Variants in FAF1 observed in about 807,000 individuals in gnomAD.
The protein encoded by FAF1 is FAS-associated factor 1.
A neutral mutation model predicts 92.5 loss-of-function variants in FAF1; 25 were observed. The observed-to-expected ratio is 0.27, with a 90% CI of 0.20 to 0.38. The LOEUF (loss-of-function observed/expected upper bound fraction) is 0.38, where lower values mean the gene tolerates loss of function less well. Ranked by LOEUF, FAF1 falls within the 10% of genes least tolerant of loss-of-function variation. The pLI is 1.00. For synonymous variants in FAF1, 234 were observed against 273.2 expected (o/e 0.86, Z 1.42); for missense variants, 636 against 793.3 (o/e 0.80, Z 2.38).
chr1:50,833,402 T>C (rs1644172544), intron 2 of FAF1, among the ~76,000 whole-genome samples: 1 of 151,640 alleles, frequency 6.6e-6, no homozygotes, highest in Non-Finnish European at 1.5e-5. Flanking sequence ...GTAAGGTGTG[T>C]GGGGGCGGGT....
chr1:50,779,181 C>A (rs1327767259), intron 4 of FAF1, among the ~76,000 whole-genome samples: 1 of 152,166 alleles, frequency 6.6e-6, no homozygotes, highest in African/African-American at 2.4e-5. Context: ...AATTCTTTTG[C>A]TATTTCTACC....
chr1:50,794,610 A>G (rs1661677477), intron 3 of FAF1, among the ~76,000 whole-genome samples: 1 of 152,180 alleles, frequency 6.6e-6, no homozygotes, highest in African/African-American at 2.4e-5. Context: ...CACACAGAAT[A>G]TAAACATATT....
Position 50,440,350 on chromosome 1 carries a change from T to C in FAF1, c.*1090A>G, listed in dbSNP as rs902903516. 6.6e-6 allele frequency: 1 copy of C among 152,208 alleles called. No homozygotes were observed. Among genetic ancestry groups the C allele is most frequent in the African/African-American group, 2.4e-5 (1 of 41,454 alleles). The allele number at this position is 152,208 out of a possible 1,614,324, so 9.4% of individuals were successfully genotyped here. ...TTTCAGGCAACACATGTCTTCTGAG[T>C]TGAGTCCCCAAGTTTGCTCTCTTCA... is the stretch of plus-strand genomic sequence containing the variant. On this transcript the variant is annotated 3_prime_UTR_variant, in exon 19 of 19. Coordinates refer to ENST00000396153, the MANE Select transcript of FAF1 (RefSeq NM_007051.3).
chr1:50,870,855 A>T (rs182508417), intron 1 of FAF1, among the ~76,000 whole-genome samples: 1 of 152,346 alleles, frequency 6.6e-6, no homozygotes, highest in South Asian at 2.1e-4. Flanking sequence ...CATGTTTCTC[A>T]TTTTAAATCA....
chr1:50,882,064 TGTC>T lies in FAF1; in HGVS notation c.46-24070_46-24068del, dbSNP rs1242049462. Reference sequence around the variant, plus strand: ...TTTAAAAAACAGTAAGCATCTAAAATGTCGTCATTACTCTAAACAAAGATTATT... The same window carrying T: ...TTTAAAAAACAGTAAGCATCTAAAATGTCATTACTCTAAACAAAGATTATT... On this transcript the variant is annotated intron_variant, in intron 1 of 18. Coordinates refer to ENST00000396153, the MANE Select transcript of FAF1 (RefSeq NM_007051.3). Among the ~76,000 whole-genome samples, 7 of 152,296 alleles carry T rather than the reference TGTC, an allele frequency of 4.6e-5. No individual in the cohort carries two copies. The East Asian group carries it at 9.6e-4, about 21-fold the overall frequency.
chr1:50,742,325 AAAG>A (rs1312200768), intron 5 of FAF1, among the ~76,000 whole-genome samples: 4 of 149,736 alleles, frequency 2.7e-5, no homozygotes, highest in South Asian at 4.3e-4. Context: ...TAAAAAGAAA[AAAG>A]AAGAAGAAAG....
intron 1 of FAF1, among the ~76,000 whole-genome samples, chr1:50,911,256 G>A (rs1470572553): frequency 1.3e-5 from 2 of 151,498 alleles, no homozygotes; most frequent in African/African-American, 4.8e-5. Flanking sequence ...ATTTTTAGTA[G>A]AGATGGGGTT....
rs1025933543 is a variant in FAF1, at chr1:50,793,516, A to G, written c.162-5311T>C. ...TTTCCCTAGGCCCTGGAGGTATAAT[A>G]GAAAAAAACACACTCGGTAACTGGT... On this transcript the variant is annotated intron_variant, in intron 3 of 18. Coordinates refer to ENST00000396153, the MANE Select transcript of FAF1 (RefSeq NM_007051.3). Among the ~76,000 whole-genome samples, 3 of 152,220 alleles carry G rather than the reference A, an allele frequency of 2.0e-5. No individual in the cohort carries two copies. In the South Asian group the frequency reaches 6.2e-4, roughly 32 times the overall value.
At chr1:50,724,329 A>ACACACC (rs1557494834) in intron 6 of FAF1, among the ~76,000 whole-genome samples, 2 of 148,156 alleles carry the variant, frequency 1.3e-5, no homozygotes, top group African/African-American at 2.5e-5. Flanking sequence ...ACACACACAC[A>ACACACC]CCCCTGCTCA....
intron 1 of FAF1, among the ~76,000 whole-genome samples, chr1:50,929,629 C>T (rs989616638): frequency 6.6e-6 from 1 of 152,176 alleles, no homozygotes; most frequent in African/African-American, 2.4e-5. Flanking sequence ...CTAGTTTTCA[C>T]ACAAGACTTT....
At chr1:50,500,827 T>G (rs892615938) in intron 15 of FAF1, among the ~76,000 whole-genome samples, 1 of 152,164 alleles carries the variant, frequency 6.6e-6, no homozygotes, top group Non-Finnish European at 1.5e-5. Flanking sequence ...ATGTGAGGTA[T>G]GTAGAAGACA....
chr1:50,871,073 T>C (rs1644524039), intron 1 of FAF1, among the ~76,000 whole-genome samples: 1 of 152,234 alleles, frequency 6.6e-6, no homozygotes, highest in African/African-American at 2.4e-5. Flanking sequence ...GTGGTCTGAA[T>C]AGAAGATTAA....
intron 6 of FAF1, among the ~76,000 whole-genome samples, chr1:50,724,276 T>TACACACACACACACACACAC (rs1281878722): frequency 8.7e-6 from 1 of 114,894 alleles, no homozygotes; most frequent in African/African-American, 3.5e-5. Context: ...TATATACATA[T>TACACACACACACACACACAC]ACACACACAC....
chr1:50,549,701 G>A (rs574050947), intron 13 of FAF1, among the ~76,000 whole-genome samples: 1 of 152,174 alleles, frequency 6.6e-6, no homozygotes, highest in South Asian at 2.1e-4. Context: ...CTTGAACCGG[G>A]GAGGTGGGGG....
At chr1:50,812,274 G>A (rs984072513) in intron 2 of FAF1, among the ~76,000 whole-genome samples, 4 of 151,976 alleles carry the variant, frequency 2.6e-5, no homozygotes, top group Admixed American at 1.3e-4. Context: ...CACAACCAAT[G>A]GAATGGGAGA....
chr1:50,798,090 C>T (rs1661831519), intron 3 of FAF1, among the ~76,000 whole-genome samples: 2 of 151,498 alleles, frequency 1.3e-5, no homozygotes, highest in South Asian at 2.1e-4. Context: ...AAAAAAACTC[C>T]GCATTTATTT....
intron 1 of FAF1, among the ~76,000 whole-genome samples, chr1:50,952,950 A>C (rs1405884675): frequency 6.6e-6 from 1 of 152,232 alleles, no homozygotes; most frequent in Non-Finnish European, 1.5e-5. Context: ...TGTCGAATAG[A>C]AAAGGGGGAA....
At chr1:50,937,415 C>T (rs988268537) in intron 1 of FAF1, among the ~76,000 whole-genome samples, 34 of 151,666 alleles carry the variant, frequency 2.2e-4, no homozygotes, top group African/African-American at 7.8e-4. Context: ...TGGGGTGGGG[C>T]GGGGCGCAGA....
chr1:50,796,228 C>T (rs1661746062), intron 3 of FAF1, among the ~76,000 whole-genome samples: 1 of 151,912 alleles, frequency 6.6e-6, no homozygotes, highest in Admixed American at 6.5e-5. Context: ...CACACACACA[C>T]CCCTATCTTC....
Sources: gnomAD v4.1 joint callset for allele counts (sites outside exome capture counted in the v4.1 genomes callset) on GRCh38, gnomAD v4.1.1 for gene constraint, MANE v1.5 for transcripts, NCBI Gene and HGNC (gene_info 2026-07-23, HGNC 2026-07-21) for gene names.